FBN2: variants seen among roughly 807,000 people sequenced by gnomAD.
The protein encoded by FBN2 is fibrillin-2.
FBN2 carries 105 observed loss-of-function variants against 355.6 expected under a neutral mutation model. That is an observed-to-expected ratio of 0.30 (90% CI 0.25 to 0.35). The LOEUF (loss-of-function observed/expected upper bound fraction) is 0.35. Among genes scored for constraint, FBN2 ranks in the 10% least tolerant of loss-of-function variants. The pLI is 1.00. For missense variants in FBN2, 3,280 were observed against 3,758.7 expected (o/e 0.87, Z 3.33); for synonymous variants, 1,350 against 1,301.2 (o/e 1.04, Z -0.81).
chr5:128,371,508 CAT>C (rs1751941785), intron 15 of FBN2, among the ~76,000 whole-genome samples: 10 of 140,610 alleles, frequency 7.1e-5, no homozygotes, highest in African/African-American at 1.8e-4. Flanking sequence ...TCCCTCCCTC[CAT>C]CCTTCCTTCC....
chr5:128,443,511 T>G (rs1000565316), intron 7 of FBN2, among the ~76,000 whole-genome samples: 10 of 152,190 alleles, frequency 6.6e-5, no homozygotes, highest in Admixed American at 5.2e-4. Context: ...ATTCAAGGGT[T>G]GGAGTGAGAT....
At position 128,392,116 on chromosome 5, in the gene FBN2, G is replaced by C. The variant is rs369405711; in HGVS notation, c.1505C>G (p.Ala502Gly). 3.7e-6 allele frequency: 6 copies of C among 1,613,410 alleles called. No individual in the cohort carries two copies. Among genetic ancestry groups the C allele is most frequent in the African/African-American group, 1.3e-5 (1 of 74,914 alleles). The change falls in exon 11 of 65, where the codon GCT becomes GGT. Residue 502 changes from alanine to glycine, a missense_variant. Around this residue, in one of 6 missense-constraint regions of FBN2, gnomAD observed 343 missense variants for 331.0 expected, o/e 1.04. Coordinates refer to ENST00000262464, the MANE Select transcript of FBN2 (RefSeq NM_001999.4). ...NQTIDICKHHANLCLNGRCIP... is the reference protein window; with the variant it reads ...NQTIDICKHHGNLCLNGRCIP... ...ACAGCGTCCATTTAAACAAAGGTTA[G>C]CATGATGCTTACAGATATCTATTGT... is the stretch of plus-strand genomic sequence containing the variant.
chr5:128,406,268 T>A (rs1365388259), intron 8 of FBN2, among the ~76,000 whole-genome samples: 3 of 152,184 alleles, frequency 2.0e-5, no homozygotes, highest in Non-Finnish European at 4.4e-5. Flanking sequence ...ACCCACAAAT[T>A]TAATTCCTTT....
At chr5:128,479,905 C>G (rs1755105932) in intron 5 of FBN2, among the ~76,000 whole-genome samples, 1 of 141,178 alleles carries the variant, frequency 7.1e-6, no homozygotes, top group African/African-American at 2.6e-5. Flanking sequence ...CTAGCCTGGG[C>G]AACAGAACAA....
In FBN2 at chr5:128,369,317, T is replaced by C. The variant is rs751528871; in HGVS notation, c.2113A>G (p.Thr705Ala). 2.5e-6 allele frequency: 4 copies of C among 1,614,132 alleles called. No individual in the cohort carries two copies. In the East Asian group the frequency reaches 6.7e-5, roughly 27 times the overall value. The change falls in exon 16 of 65, where the codon ACC becomes GCC. Residue 705 changes from threonine to alanine, a missense_variant. Around this residue, in one of 6 missense-constraint regions of FBN2, gnomAD observed 2,284 missense variants for 2,749.5 expected, o/e 0.83. Coordinates refer to ENST00000262464, the MANE Select transcript of FBN2 (RefSeq NM_001999.4). The stretch of plus-strand genomic sequence containing the variant: ...CCTTTCTTGATTCCTCCATAGCAGG[T>C]ACTGCGCATGTGAGTATCTAAAGGA... ...RVCVDTHMRSTCYGGIKKGVC... is the reference protein window; with the variant it reads ...RVCVDTHMRSACYGGIKKGVC...
chr5:128,355,199 G>A, intron 20 of FBN2, among the ~76,000 whole-genome samples: 1 of 152,296 alleles, frequency 6.6e-6, no homozygotes, highest in East Asian at 1.9e-4. Context: ...TCTAAGGTGA[G>A]GAATGAGAAT....
chr5:128,270,927 A>C (rs752402658), intron 62 of FBN2, among the ~76,000 whole-genome samples: 2 of 152,164 alleles, frequency 1.3e-5, no homozygotes, highest in African/African-American at 2.4e-5. Flanking sequence ...AATTTAAATA[A>C]TTTTTTGAAA....
intron 3 of FBN2, 95 bp downstream of exon 3, chr5:128,530,500 A>G (rs1756673655): frequency 2.5e-6 from 2 of 800,522 alleles, no homozygotes; most frequent in Non-Finnish European, 4.4e-6. Flanking sequence ...CTAAAGTAAT[A>G]ACAGTTAAAA....
intron 6 of FBN2, among the ~76,000 whole-genome samples, chr5:128,456,975 T>C (rs926467865): frequency 2.6e-5 from 4 of 152,170 alleles, no homozygotes; most frequent in African/African-American, 9.6e-5. Flanking sequence ...AGAAGTAGGC[T>C]TCACAAAATG....
At chr5:128,404,607 G>T (rs1752880230) in intron 8 of FBN2, among the ~76,000 whole-genome samples, 1 of 152,138 alleles carries the variant, frequency 6.6e-6, no homozygotes, top group South Asian at 2.1e-4. Context: ...TCATTCATTT[G>T]CTGGTTTTCC....
At position 128,334,911 on chromosome 5, in the gene FBN2, C is replaced by T. The variant is rs28763944; in HGVS notation, c.3974-67G>A. The T allele has an allele frequency of 0.029, 39,600 of 1,383,422 alleles. 787 individuals are homozygous for T. Among genetic ancestry groups the T allele is most frequent in the Middle Eastern group, 0.09 (508 of 5,644 alleles). The allele number at this position is 1,383,422 out of a possible 1,614,324, so 85.7% of individuals were successfully genotyped here. On this transcript the variant is annotated intron_variant, in intron 30 of 64. Coordinates refer to ENST00000262464, the MANE Select transcript of FBN2 (RefSeq NM_001999.4). ...AGTAATTTAAAAGCTATCTTCTACACTGAATAGCATAATACTGAAATACAC... is the reference window on the plus strand; with the variant it reads ...AGTAATTTAAAAGCTATCTTCTACATTGAATAGCATAATACTGAAATACAC...
intron 3 of FBN2, among the ~76,000 whole-genome samples, chr5:128,528,787 G>A (rs890895100): frequency 2.6e-5 from 4 of 152,328 alleles, no homozygotes; most frequent in Admixed American, 1.3e-4. Flanking sequence ...GTGAAGTGAT[G>A]TAATCTATAT....
At position 128,330,591 on chromosome 5, in the gene FBN2, C is replaced by T; in HGVS notation, c.4327G>A (p.Asp1443Asn). The T allele has an allele frequency of 1.2e-6, 2 of 1,614,132 alleles. No individual in the cohort carries two copies. The highest frequency in any genetic ancestry group is 1.7e-6 in the Non-Finnish European group (2 of 1,180,008). Reference protein sequence around the residue: ...RCACSEGFTGDGFTCSDVDEC... With the variant: ...RCACSEGFTGNGFTCSDVDEC... ...CACCCACCTGAGCAGGTAAAGCCAT[C>T]ACCAGTGAAACCTTCGGAGCAGGCA... The change falls in exon 33 of 65, where the codon GAT (aspartate) becomes AAT (asparagine). Residue 1443 changes from aspartate to asparagine, a missense_variant. Asp to Asn is a conservative substitution (Grantham distance 23). Around this residue, in one of 6 missense-constraint regions of FBN2, gnomAD observed 2,284 missense variants for 2,749.5 expected, o/e 0.83. Coordinates refer to ENST00000262464, the MANE Select transcript of FBN2 (RefSeq NM_001999.4).
chr5:128,259,638 C>T lies in FBN2; in HGVS notation c.8556G>A (p.Gly2852=), dbSNP rs757674788. ...DSVFRIHQRN[G]LSYLHTAKKK... is the part of the protein sequence containing the mutation. ...TCTTGGCCGTGTGCAAGTAGCTGAGCCCATTCCTTTGGTGGATGCGGAAGA... is the reference window on the plus strand; with the variant it reads ...TCTTGGCCGTGTGCAAGTAGCTGAGTCCATTCCTTTGGTGGATGCGGAAGA... The change falls in exon 65 of 65, where the codon GGG becomes GGA. Residue 2852 remains glycine (G), a synonymous_variant. Transcript: ENST00000262464. 1.2e-6 allele frequency: 2 copies of T among 1,614,012 alleles called. No individual in the cohort carries two copies. The highest frequency in any genetic ancestry group is 2.2e-5 in the East Asian group (1 of 44,856).
intron 20 of FBN2, among the ~76,000 whole-genome samples, chr5:128,353,056 C>T (rs1391425792): frequency 1.3e-5 from 2 of 151,914 alleles, no homozygotes; most frequent in Admixed American, 6.6e-5. Context: ...GCCTGTAGTC[C>T]CAGCTACTCA....
At chr5:128,506,658 T>C (rs1581356990) in intron 5 of FBN2, among the ~76,000 whole-genome samples, 1 of 152,136 alleles carries the variant, frequency 6.6e-6, no homozygotes, top group Admixed American at 6.5e-5. Flanking sequence ...GTATTGCCTA[T>C]TGCCATTGCT....
At chr5:128,312,500 A>T in intron 37 of FBN2, 134 bp downstream of exon 37, 1 of 871,228 alleles carries the variant, frequency 1.1e-6, no homozygotes, top group Non-Finnish European at 1.8e-6. Context: ...CAGAGTGATC[A>T]CTGAAAGTAG....
At chr5:128,514,348 T>C (rs1756221359) in intron 5 of FBN2, among the ~76,000 whole-genome samples, 1 of 152,204 alleles carries the variant, frequency 6.6e-6, no homozygotes, top group South Asian at 2.1e-4. Flanking sequence ...TTGTAATTTG[T>C]CCTGCATTAG....
At position 128,357,429 on chromosome 5, in the gene FBN2, T is replaced by C. The variant is rs1486355979; in HGVS notation, c.2555-34A>G. 9.9e-6 allele frequency: 16 copies of C among 1,613,040 alleles called. No individual in the cohort carries two copies. The East Asian group carries it at 3.6e-4, about 36-fold the overall frequency. On this transcript the variant is annotated intron_variant, in intron 19 of 64. Coordinates refer to ENST00000262464, the MANE Select transcript of FBN2 (RefSeq NM_001999.4). ...CAGAAGGAAAAGATTCTGTTAGAACTGCCATGTGTTTCTGGAAAATATTAT... is the reference window on the plus strand; with the variant it reads ...CAGAAGGAAAAGATTCTGTTAGAACCGCCATGTGTTTCTGGAAAATATTAT...
Sources: gnomAD v4.1 joint callset for allele counts (sites outside exome capture counted in the v4.1 genomes callset) on GRCh38, gnomAD v4.1.1 for gene constraint, gnomAD v4.1.1 regional missense constraint, MANE v1.5 for transcripts, NCBI Gene and HGNC (gene_info 2026-07-23, HGNC 2026-07-21) for gene names.